ARID1B: variants seen among roughly 807,000 people sequenced by gnomAD.
The protein encoded by ARID1B is AT-rich interactive domain-containing protein 1B.
ARID1B carries 30 observed loss-of-function variants against 212.3 expected under a neutral mutation model. That is an observed-to-expected ratio of 0.14 (90% CI 0.11 to 0.19). ARID1B has a LOEUF of 0.19. Among genes scored for constraint, ARID1B ranks in the 10% least tolerant of loss-of-function variants. ARID1B has a pLI of 1.00. For synonymous variants in ARID1B, 1,402 were observed against 1,301.7 expected (o/e 1.08, Z -1.66); for missense variants, 2,891 against 3,204.0 (o/e 0.90, Z 2.36).
At chr6:156,893,052 T>G (rs4870496) in intron 2 of ARID1B, among the ~76,000 whole-genome samples, 6 of 78,546 alleles carry the variant, frequency 7.6e-5, no homozygotes, top group Admixed American at 1.1e-4. Flanking sequence ...TTCCTTTTTT[T>G]TTTTTTTTGA....
intron 4 of ARID1B, among the ~76,000 whole-genome samples, chr6:157,016,506 TGGA>T (rs999515988): frequency 3.9e-5 from 6 of 152,258 alleles, no homozygotes; most frequent in African/African-American, 1.4e-4. Flanking sequence ...CCTTATAACT[TGGA>T]GGAGAAAAAA....
chr6:156,924,645 AC>A (rs1562487937), intron 3 of ARID1B, among the ~76,000 whole-genome samples: 2 of 152,198 alleles, frequency 1.3e-5, no homozygotes, highest in African/African-American at 4.8e-5. Context: ...ACCACAGTTG[AC>A]CATGGGTAAC....
chr6:157,149,026 T>C, intron 8 of ARID1B, 75 bp downstream of exon 8: 2 of 1,436,184 alleles, frequency 1.4e-6, no homozygotes, highest in Non-Finnish European at 1.9e-6. Flanking sequence ...CGCACATAGC[T>C]GCATTGTTCC....
At chr6:156,930,068 C>A (rs1791573866) in intron 3 of ARID1B, among the ~76,000 whole-genome samples, 1 of 152,124 alleles carries the variant, frequency 6.6e-6, no homozygotes, top group African/African-American at 2.4e-5. Flanking sequence ...TTGTTAAGAA[C>A]AATTTGCCAG....
At chr6:157,147,787 T>G (rs71551106) in intron 7 of ARID1B, among the ~76,000 whole-genome samples, 29 of 54,012 alleles carry the variant, frequency 5.4e-4, no homozygotes, top group Non-Finnish European at 7.5e-4. Context: ...GGCCCTGCCC[T>G]CCGTCCCTCA....
chr6:156,850,431 T>C (rs1420028384), intron 2 of ARID1B, among the ~76,000 whole-genome samples: 1 of 152,204 alleles, frequency 6.6e-6, no homozygotes, highest in Non-Finnish European at 1.5e-5. Flanking sequence ...TTTGAATTTG[T>C]ATTTTGAATT....
intron 7 of ARID1B, among the ~76,000 whole-genome samples, chr6:157,142,388 G>A (rs1446039107): frequency 6.6e-6 from 1 of 152,146 alleles, no homozygotes; most frequent in East Asian, 1.9e-4. Context: ...CACTTTGGGA[G>A]GCCCGCGCGG....
rs542896616 is a variant in ARID1B at position 157,089,814 on chromosome 6, G to A, written c.2491+4909G>A. On this transcript the variant is annotated intron_variant, in intron 5 of 19. Coordinates refer to ENST00000636930, the MANE Select transcript of ARID1B (RefSeq NM_001374828.1). ...TTAAATTAAGTAGATGTAATGTCAG[G>A]TACAGTTAATTCTGAAATGTGTGAT... Among the ~76,000 whole-genome samples the A allele has an allele frequency of 2.0e-5, 3 of 152,270 alleles. No homozygotes were observed. In the East Asian group the frequency reaches 5.8e-4, roughly 29 times the overall value.
intron 13 of ARID1B, among the ~76,000 whole-genome samples, chr6:157,187,615 C>T (rs553689582): frequency 6.6e-6 from 1 of 152,288 alleles, no homozygotes; most frequent in South Asian, 2.1e-4. Context: ...TGTACTTAAC[C>T]TTCAGTAACC....
chr6:156,898,571 G>A (rs1788673693), intron 2 of ARID1B, among the ~76,000 whole-genome samples: 1 of 152,168 alleles, frequency 6.6e-6, no homozygotes, highest in Admixed American at 6.5e-5. Context: ...CTGTTGATTT[G>A]TGTTTCATAA....
chr6:157,136,651 C>T (rs920126504), intron 7 of ARID1B, among the ~76,000 whole-genome samples: 11 of 152,294 alleles, frequency 7.2e-5, no homozygotes, highest in African/African-American at 1.9e-4. Flanking sequence ...CACTTGAGGT[C>T]AGGAGTTCGA....
At chr6:156,898,328 C>T (rs1376751960) in intron 2 of ARID1B, among the ~76,000 whole-genome samples, 1 of 152,182 alleles carries the variant, frequency 6.6e-6, no homozygotes, top group Non-Finnish European at 1.5e-5. Flanking sequence ...CCTCACGCAT[C>T]GGTCCTTTGG....
chr6:157,011,213 A>G (rs1779586223), intron 4 of ARID1B, among the ~76,000 whole-genome samples: 1 of 152,234 alleles, frequency 6.6e-6, no homozygotes, highest in African/African-American at 2.4e-5. Context: ...TCATTAAAGC[A>G]TGTATATATT....
intron 4 of ARID1B, among the ~76,000 whole-genome samples, chr6:156,993,307 G>T (rs1349948387): frequency 1.3e-5 from 2 of 152,226 alleles, no homozygotes; most frequent in Non-Finnish European, 2.9e-5. Flanking sequence ...CTCCCAAAGT[G>T]CTGGGTGGCG....
intron 13 of ARID1B, chr6:157,186,251 C>CCTTTTCCCCTTTTTTA: frequency 2.9e-6 from 1 of 342,526 alleles, no homozygotes; most frequent in South Asian, 2.3e-5. Flanking sequence ...CCAGCCGTTC[C>CCTTTTCCCCTTTTTTA]CTTTTCCCCT....
At chr6:156,881,065 G>T (rs1444654583) in intron 2 of ARID1B, among the ~76,000 whole-genome samples, 1 of 152,198 alleles carries the variant, frequency 6.6e-6, no homozygotes, top group Non-Finnish European at 1.5e-5. Flanking sequence ...GACAGTGACA[G>T]CGTGTTGCCT....
At chr6:156,933,843 GCTCCTGTATT>G (rs1264985943) in intron 3 of ARID1B, among the ~76,000 whole-genome samples, 4 of 152,106 alleles carry the variant, frequency 2.6e-5, no homozygotes, top group African/African-American at 7.2e-5. Context: ...TTATTGGCAC[GCTCCTGTATT>G]TCAGAGCGTG....
intron 2 of ARID1B, among the ~76,000 whole-genome samples, chr6:156,881,405 T>C (rs1787077159): frequency 6.6e-6 from 1 of 152,222 alleles, no homozygotes; most frequent in Admixed American, 6.5e-5. Context: ...CTTTGGAAAA[T>C]AGACTCCTGC....
At chr6:157,179,987 G>A (rs1485694243) in intron 11 of ARID1B, among the ~76,000 whole-genome samples, 1 of 152,068 alleles carries the variant, frequency 6.6e-6, no homozygotes, top group Non-Finnish European at 1.5e-5. Context: ...AATAACCTAG[G>A]TATGCATAAA....
Sources: allele counts gnomAD v4.1 joint callset (sites outside exome capture counted in the v4.1 genomes callset), GRCh38; gene constraint gnomAD v4.1.1; transcripts MANE v1.5; gene names NCBI Gene and HGNC (gene_info 2026-07-23, HGNC 2026-07-21).